CERS5: variants seen among roughly 807,000 people sequenced by gnomAD.
CERS5 encodes LAG1 homolog, ceramide synthase 5.
Under a neutral mutation model 58.9 loss-of-function variants are expected in CERS5, and 37 were observed. That is an observed-to-expected ratio of 0.63 (90% CI 0.48 to 0.83). The LOEUF is 0.83. Among genes scored for constraint, CERS5 ranks in the 40% least tolerant of loss-of-function variants. CERS5 has a pLI of 0.00. For missense variants in CERS5, 398 were observed against 489.3 expected, an observed-to-expected ratio of 0.81 and a Z score of 1.76; for synonymous variants, 147 against 177.8, an observed-to-expected ratio of 0.83 and a Z score of 1.38.
chr12:50,130,903 C>T (rs1242512435), intron 9 of CERS5, among the ~76,000 whole-genome samples: 1 of 152,212 alleles, frequency 6.6e-6, no homozygotes, highest in South Asian at 2.1e-4. Context: ...CAATTCTGTT[C>T]TCTGTGGAAT....
intron 1 of CERS5, among the ~76,000 whole-genome samples, chr12:50,164,790 T>C (rs915692240): frequency 3.3e-5 from 5 of 152,198 alleles, no homozygotes; most frequent in Non-Finnish European, 7.3e-5. Flanking sequence ...GAGGGAACAC[T>C]TTGGAATCTC....
At chr12:50,159,500 A>G (rs1939035535) in intron 1 of CERS5, among the ~76,000 whole-genome samples, 1 of 152,210 alleles carries the variant, frequency 6.6e-6, no homozygotes. Flanking sequence ...GTGAATTTAC[A>G]TTAAAATTAT....
chr12:50,133,326 A>G (rs1331630026), intron 9 of CERS5: 15 of 1,066,902 alleles, frequency 1.4e-5, no homozygotes, highest in Non-Finnish European at 1.7e-5. Context: ...CAAAACTTGC[A>G]AAGTTCAATT....
chr12:50,148,622 C>T (rs948297705), intron 1 of CERS5: 13 of 272,642 alleles, frequency 4.8e-5, no homozygotes, highest in African/African-American at 1.6e-4. Flanking sequence ...ATAGGCCGGG[C>T]GTGGTGACTC....
intron 1 of CERS5, among the ~76,000 whole-genome samples, chr12:50,151,909 G>A (rs1018181017): frequency 4.6e-5 from 7 of 152,242 alleles, no homozygotes; most frequent in Non-Finnish European, 8.8e-5. Flanking sequence ...GCCTCCCAAA[G>A]TGTTGGGATT....
intron 1 of CERS5, among the ~76,000 whole-genome samples, chr12:50,149,684 C>T (rs1937728622): frequency 6.6e-6 from 1 of 152,124 alleles, no homozygotes; most frequent in Non-Finnish European, 1.5e-5. Context: ...AGCCAGAAAC[C>T]TTTAGTCTGT....
intron 1 of CERS5, among the ~76,000 whole-genome samples, chr12:50,160,532 T>G (rs1592442733): frequency 6.6e-6 from 1 of 152,080 alleles, no homozygotes; most frequent in South Asian, 2.1e-4. Context: ...TAAGCAGCGG[T>G]GAAAGCTCTC....
intron 9 of CERS5, chr12:50,133,474 C>T: frequency 1.0e-6 from 1 of 993,346 alleles, no homozygotes; most frequent in Non-Finnish European, 1.2e-6. Flanking sequence ...CTTATATAAA[C>T]CATATCTTGA....
intron 6 of CERS5, among the ~76,000 whole-genome samples, chr12:50,137,062 T>C (rs1468360366): frequency 1.3e-5 from 2 of 152,220 alleles, no homozygotes; most frequent in East Asian, 3.8e-4. Context: ...ATGCTAACCC[T>C]GGTTTTCTTC....
intron 1 of CERS5, among the ~76,000 whole-genome samples, chr12:50,160,655 G>A (rs1471614616): frequency 6.6e-6 from 1 of 152,156 alleles, no homozygotes; most frequent in Non-Finnish European, 1.5e-5. Flanking sequence ...TATCAATATT[G>A]TCTCAAACTC....
In CERS5 at chr12:50,129,488, A is replaced by G. The variant is rs1308986898; in HGVS notation, c.*1057T>C. 6.7e-6 allele frequency: 1 copy of G among 150,290 alleles called. No individual in the cohort carries two copies. The highest frequency in any genetic ancestry group is 1.5e-5 in the Non-Finnish European group (1 of 67,902). The allele number at this position is 150,290 out of a possible 1,614,324, so 9.3% of individuals were successfully genotyped here. On this transcript the variant is annotated 3_prime_UTR_variant, in exon 10 of 10. Coordinates refer to ENST00000317551, the MANE Select transcript of CERS5 (RefSeq NM_147190.5). The stretch of plus-strand genomic sequence containing the variant: ...TTCAATATAGCAAGTTGAGGAACTA[A>G]AAGTATGACCTAATTTTTTTTTTTT...
At chr12:50,138,704 C>T in intron 4 of CERS5, 87 bp from the exon 5 acceptor site, 2 of 1,224,094 alleles carry the variant, frequency 1.6e-6, no homozygotes, top group Non-Finnish European at 2.4e-6. Flanking sequence ...TCTCTCTAGG[C>T]TGGGGCAAAA....
chr12:50,146,846 CAAAAAA>C (rs10714679), intron 1 of CERS5, among the ~76,000 whole-genome samples: 1 of 105,012 alleles, frequency 9.5e-6, no homozygotes, highest in Admixed American at 1.0e-4. Flanking sequence ...GACTCCGTCT[CAAAAAA>C]AAAAAAAAAA....
intron 1 of CERS5, among the ~76,000 whole-genome samples, chr12:50,152,554 C>G (rs753540675): frequency 6.6e-6 from 1 of 151,880 alleles, no homozygotes; most frequent in Non-Finnish European, 1.5e-5. Context: ...CCACCCTGGC[C>G]AACATGGTGA....
chr12:50,158,541 A>G (rs1938916360), intron 1 of CERS5, among the ~76,000 whole-genome samples: 1 of 152,234 alleles, frequency 6.6e-6, no homozygotes, highest in African/African-American at 2.4e-5. Flanking sequence ...CTCAACTAAG[A>G]GGCAAAGTGT....
chr12:50,134,326 A>C (rs915712802), intron 9 of CERS5: 3 of 1,235,528 alleles, frequency 2.4e-6, no homozygotes, highest in Non-Finnish European at 2.2e-6. Flanking sequence ...GTAAGCTATG[A>C]TCATGCCACT....
At chr12:50,140,337 G>A (rs1457390884) in intron 4 of CERS5, among the ~76,000 whole-genome samples, 1 of 139,768 alleles carries the variant, frequency 7.2e-6, no homozygotes, top group Non-Finnish European at 1.5e-5. Context: ...AGGCTGGAGT[G>A]AAGTGGCATG....
Position 50,130,609 on chromosome 12 carries a change from C to G in CERS5, c.1115G>C (p.Ser372Thr), listed in dbSNP as rs761804435. 10 of 1,613,146 alleles carry G rather than the reference C, an allele frequency of 6.2e-6. No homozygotes were observed. In the Admixed American group the frequency reaches 1.7e-4, roughly 27 times the overall value. The change falls in exon 10 of 10, where the codon AGC (serine) becomes ACC (threonine). Residue 372 changes from serine to threonine, a missense_variant. By Grantham distance (58) the Ser-to-Thr change is moderately conservative (BLOSUM62 1). This residue lies in a region of CERS5 where 47 missense variants were observed against 50.2 expected (regional missense o/e 0.94). Transcript: ENST00000317551. ...CACCCGATTGGCACCATTGCTGGAG[C>G]TACTGTCACAGGGACTTTTTGTGCA... is the stretch of plus-strand genomic sequence containing the variant. ...TTCTKSPCDS[S>T]SSNGANRVNG...
At chr12:50,159,044 G>A (rs371435413) in intron 1 of CERS5, among the ~76,000 whole-genome samples, 3 of 152,094 alleles carry the variant, frequency 2.0e-5, no homozygotes, top group East Asian at 1.9e-4. Context: ...TCAAGCGGCC[G>A]GGCGCGGTGG....
Sources: gnomAD v4.1 joint callset for allele counts (sites outside exome capture counted in the v4.1 genomes callset) on GRCh38, gnomAD v4.1.1 for gene constraint, gnomAD v4.1.1 regional missense constraint, MANE v1.5 for transcripts, NCBI Gene and HGNC (gene_info 2026-07-23, HGNC 2026-07-21) for gene names.